The following SLC39A10 variants were observed in gnomAD, a reference collection of about 807,000 sequenced individuals.
SLC39A10 encodes the protein solute carrier family 39 member 10.
SLC39A10 carries 13 observed loss-of-function variants against 65.1 expected under a neutral mutation model. The observed-to-expected ratio is 0.20, with a 90% CI of 0.13 to 0.32. SLC39A10 has a LOEUF of 0.32. Among genes scored for constraint, SLC39A10 ranks in the 10% least tolerant of loss-of-function variants. The pLI, the probability that SLC39A10 is intolerant of heterozygous loss-of-function variation, is 1.00. For missense variants in SLC39A10, 831 were observed against 1,018.4 expected, an observed-to-expected ratio of 0.82 and a Z score of 2.50; for synonymous variants, 321 against 342.2, an observed-to-expected ratio of 0.94 and a Z score of 0.68.
chr2:195,653,007 A>G (rs1266204483), upstream of SLC39A10, among the ~76,000 whole-genome samples: 2 of 152,054 alleles, frequency 1.3e-5, no homozygotes, highest in African/African-American at 4.8e-5. Flanking sequence ...GTTTCATCCC[A>G]AAACCATCCC....
rs751306918 is a variant in SLC39A10, at chr2:195,728,192, C to G, written c.2180C>G (p.Thr727Ser). The G allele has an allele frequency of 1.9e-6, 3 of 1,613,744 alleles. No individual in the cohort carries two copies. The highest frequency in any genetic ancestry group is 2.5e-6 in the Non-Finnish European group (3 of 1,179,756). The change falls in exon 9 of 10, where the codon ACT (threonine) becomes AGT (serine). Residue 727 changes from threonine to serine, a missense_variant. Thr to Ser is a moderately conservative substitution (Grantham distance 58). Around this residue, in one of 4 missense-constraint regions of SLC39A10, gnomAD observed 120 missense variants for 203.9 expected, o/e 0.59. Coordinates refer to ENST00000359634, the MANE Select transcript of SLC39A10 (RefSeq NM_020342.3). This position sits in a 1 kb window ranked among gnomAD's most constrained non-coding sequence, Gnocchi z 4.4. ...DFAVLLKAGM[T>S]VKQAIVYNLL... ...GCAGTTCTTCTTAAAGCAGGCATGA[C>G]TGTAAAGCAAGCAATTGTATACAAC...
chr2:195,669,097 A>G (rs1689749665), intron 1 of SLC39A10, among the ~76,000 whole-genome samples: 1 of 150,532 alleles, frequency 6.6e-6, no homozygotes, highest in Admixed American at 6.6e-5. Flanking sequence ...AAAAATTACT[A>G]AGTTGATTGG....
rs188751238 is a variant in SLC39A10 at position 195,642,966 on chromosome 2, T to A, written c.-12+36733T>A. Among the ~76,000 whole-genome samples the A allele has an allele frequency of 1.5e-3, 227 of 152,252 alleles. 2 individuals are homozygous for A. The highest frequency in any genetic ancestry group is 1.5e-3 in the Non-Finnish European group (101 of 68,012). ...ATTAAAGTAGAGGGGAGTGGCAGAT[T>A]CTTATTTAAAGGGAACAAGACTGAA... is the stretch of plus-strand genomic sequence containing the variant. On this transcript the variant is annotated intron_variant, in intron 2 of 2. Coordinates refer to the SLC39A10 transcript ENST00000458054.
chr2:195,704,766 C>T (rs1018420882), intron 3 of SLC39A10, among the ~76,000 whole-genome samples: 1 of 151,754 alleles, frequency 6.6e-6, no homozygotes, highest in African/African-American at 2.4e-5. Flanking sequence ...AATCACTGCC[C>T]CACCCCTGCC....
At chr2:195,699,111 T>A (rs1691084599) in intron 3 of SLC39A10, among the ~76,000 whole-genome samples, 1 of 152,048 alleles carries the variant, frequency 6.6e-6, no homozygotes, top group South Asian at 2.1e-4. Context: ...TCTATTATAA[T>A]CCTTTTTATT....
intron 2 of SLC39A10, among the ~76,000 whole-genome samples, chr2:195,636,880 TA>T (rs57227121): frequency 6.6e-6 from 1 of 151,996 alleles, no homozygotes; most frequent in African/African-American, 2.4e-5. Context: ...CATAAAAAAT[TA>T]AAAAAAATAT....
At chr2:195,618,896 C>G (rs549244155) in intron 2 of SLC39A10, among the ~76,000 whole-genome samples, 3 of 152,000 alleles carry the variant, frequency 2.0e-5, no homozygotes, top group Non-Finnish European at 4.4e-5. Flanking sequence ...AGTTTGGGAC[C>G]AGCCTGGTCA....
At position 195,708,698 on chromosome 2, in the gene SLC39A10, C is replaced by T. The variant is rs1691495043; in HGVS notation, c.1429C>T (p.His477Tyr). 1.2e-6 allele frequency: 2 copies of T among 1,612,294 alleles called. No homozygotes were observed. Among genetic ancestry groups the T allele is most frequent in the African/African-American group, 1.3e-5 (1 of 74,886 alleles). The change falls in exon 5 of 10, where the codon CAT becomes TAT. Residue 477 changes from histidine to tyrosine, a missense_variant. Around this residue, in one of 4 missense-constraint regions of SLC39A10, gnomAD observed 230 missense variants for 242.9 expected, o/e 0.95. Transcript: ENST00000359634. ...HDHSHQHAHG[H>Y]GHSHGHESNK... is the part of the protein sequence containing the mutation. ...TCACAGTCACCAACATGCACATGGG[C>T]ATGGACATTCTCATGGACATGAATC...
intron 4 of SLC39A10, among the ~76,000 whole-genome samples, chr2:195,707,755 GT>G (rs1338113654): frequency 6.6e-6 from 1 of 152,048 alleles, no homozygotes; most frequent in Non-Finnish European, 1.5e-5. Flanking sequence ...TGTTCAACTT[GT>G]TTTTGTATTA....
intron 9 of SLC39A10, among the ~76,000 whole-genome samples, chr2:195,731,944 G>T (rs1208968351): frequency 6.6e-6 from 1 of 152,164 alleles, no homozygotes; most frequent in Non-Finnish European, 1.5e-5. Context: ...ACCTCACTAC[G>T]TGGTTCTTTG....
At chr2:195,694,921 G>A (rs954923473) in intron 3 of SLC39A10, among the ~76,000 whole-genome samples, 1 of 152,162 alleles carries the variant, frequency 6.6e-6, no homozygotes, top group Non-Finnish European at 1.5e-5. Context: ...GGGTCTGAAG[G>A]GTGAGCACAG....
At chr2:195,716,562 C>G (rs922633962) in intron 6 of SLC39A10, 75 bp from the exon 7 acceptor site, 2 of 690,718 alleles carry the variant, frequency 2.9e-6, no homozygotes, top group Non-Finnish European at 4.4e-6. Flanking sequence ...GTTCATTGCA[C>G]TGCTATTCTG....
chr2:195,630,753 C>T (rs186529510), intron 2 of SLC39A10, among the ~76,000 whole-genome samples: 21 of 152,332 alleles, frequency 1.4e-4, no homozygotes, highest in Admixed American at 7.2e-4. Context: ...TATTTTCACA[C>T]GACTACTGGA....
At chr2:195,731,743 GAA>G (rs1447970947) in intron 9 of SLC39A10, among the ~76,000 whole-genome samples, 1 of 152,136 alleles carries the variant, frequency 6.6e-6, no homozygotes, top group African/African-American at 2.4e-5. Flanking sequence ...TTGGGGAATA[GAA>G]AGTTTTTCCA....
chr2:195,676,509 T>G (rs1320164677), intron 1 of SLC39A10, among the ~76,000 whole-genome samples: 1 of 152,188 alleles, frequency 6.6e-6, no homozygotes, highest in Non-Finnish European at 1.5e-5. Context: ...TTACATTTTC[T>G]TCTAGAACTT....
At chr2:195,686,240 T>G (rs1251711286) in intron 3 of SLC39A10, among the ~76,000 whole-genome samples, 1 of 152,206 alleles carries the variant, frequency 6.6e-6, no homozygotes, top group Admixed American at 6.5e-5. Context: ...GAATTTTATT[T>G]GAGATAGAGA....
chr2:195,677,749 ATT>A (rs58648222), intron 1 of SLC39A10, among the ~76,000 whole-genome samples: 697 of 119,016 alleles, frequency 5.9e-3, no homozygotes, highest in Non-Finnish European at 7.6e-3. Flanking sequence ...CTTTTATCAG[ATT>A]TTTTTTTTTT....
rs929799445 is a variant in SLC39A10, at chr2:195,697,294, AG to A, written c.1217-9316del. On this transcript the variant is annotated intron_variant, in intron 3 of 9. Coordinates refer to ENST00000359634, the MANE Select transcript of SLC39A10 (RefSeq NM_020342.3). ...AGCATCCACAGATTTTGGTGTCTGT[AG>A]GGGGGTACTAGAACTAATTTCTGCA... Among the ~76,000 whole-genome samples, 3 of 152,300 alleles carry A rather than the reference AG, an allele frequency of 2.0e-5. No homozygotes were observed. In the South Asian group the frequency reaches 6.2e-4, roughly 32 times the overall value.
At chr2:195,698,137 G>T (rs572061451) in intron 3 of SLC39A10, among the ~76,000 whole-genome samples, 1 of 151,862 alleles carries the variant, frequency 6.6e-6, no homozygotes, top group Non-Finnish European at 1.5e-5. Context: ...AAACAGCAGA[G>T]AATTTATTTT....
Sources: allele counts gnomAD v4.1 joint callset (sites outside exome capture counted in the v4.1 genomes callset), GRCh38; gene constraint gnomAD v4.1.1; regional missense constraint gnomAD v4.1.1; non-coding constraint Gnocchi (gnomAD v3.1); transcripts MANE v1.5; gene names NCBI Gene and HGNC (gene_info 2026-07-23, HGNC 2026-07-21).